Variants in SPEN observed in about 807,000 individuals in gnomAD.
SPEN encodes spen family transcriptional repressor.
In SPEN, 18 loss-of-function variants were observed where a neutral mutation model predicts 269.9. The observed-to-expected ratio is 0.07, with a 90% confidence interval of 0.05 to 0.10. The LOEUF (loss-of-function observed/expected upper bound fraction) is 0.10. Among genes scored for constraint, SPEN ranks in the 10% least tolerant of loss-of-function variants. The pLI is 1.00. For synonymous variants in SPEN, 1,726 were observed against 1,765.7 expected, an observed-to-expected ratio of 0.98 and a Z score of 0.56; for missense variants, 3,822 against 4,631.2, an observed-to-expected ratio of 0.83 and a Z score of 5.07.
chr1:15,937,055 G>A lies in SPEN; in HGVS notation c.10027-108G>A. The A allele has an allele frequency of 6.8e-7, 1 of 1,473,274 alleles. No individual in the cohort carries two copies. The highest frequency in any genetic ancestry group is 9.1e-7 in the Non-Finnish European group (1 of 1,095,866). 91.3% of individuals were successfully genotyped at this position (1,473,274 alleles called of 1,614,324 possible). A position where few individuals can be genotyped will look rare whatever the true frequency, so the allele number is the denominator to read the frequency against. On this transcript the variant is annotated intron_variant, in intron 11 of 14. Coordinates refer to ENST00000375759, the MANE Select transcript of SPEN (RefSeq NM_015001.3). This position sits in a 1 kb window ranked among gnomAD's most constrained non-coding sequence, Gnocchi z 5.7. ...CTTCTGTGGGCCTGACTTAACGGGA[G>A]ATGCCACATCTTATCCTTTCCCTGT...
At chr1:15,936,791 C>T (rs947067639) in intron 11 of SPEN, among the ~76,000 whole-genome samples, 4 of 152,162 alleles carry the variant, frequency 2.6e-5, no homozygotes, top group Admixed American at 6.5e-5. Flanking sequence ...AAAAGAAATC[C>T]GCCTTTTGGT....
chr1:15,897,240 A>T (rs527277408), intron 3 of SPEN, among the ~76,000 whole-genome samples: 1 of 152,078 alleles, frequency 6.6e-6, no homozygotes, highest in African/African-American at 2.4e-5. Context: ...CCCAGGCTGG[A>T]GTGCAGTGGT....
chr1:15,870,508 C>G (rs1557737849), intron 1 of SPEN, among the ~76,000 whole-genome samples: 2 of 152,146 alleles, frequency 1.3e-5, no homozygotes, highest in African/African-American at 4.8e-5. Flanking sequence ...TAGAAATTAA[C>G]TGGGCAAAGA....
intron 3 of SPEN, among the ~76,000 whole-genome samples, chr1:15,903,619 G>C (rs1035594852): frequency 5.9e-5 from 9 of 151,614 alleles, no homozygotes; most frequent in African/African-American, 2.2e-4. Flanking sequence ...CAAGTGATCT[G>C]CCTGCCTTGG....
Position 15,911,216 on chromosome 1 carries a change from A to G in SPEN, c.1158A>G (p.Gln386=). Residue 386 remains glutamine (Q), a synonymous_variant, in exon 5 of 15, where the codon CAA becomes CAG. Coordinates refer to ENST00000375759, the MANE Select transcript of SPEN (RefSeq NM_015001.3). The part of the protein sequence containing the change: ...ERYGLVFFRQ[Q]EDQEKALTAS... The stretch of plus-strand genomic sequence containing the variant: ...ATGGTCTGGTATTCTTTCGGCAGCA[A>G]GAGGACCAAGAAAAAGCCTTGACTG... The G allele has an allele frequency of 3.1e-6, 5 of 1,614,198 alleles. No individual in the cohort carries two copies. The highest frequency in any genetic ancestry group is 4.2e-6 in the Non-Finnish European group (5 of 1,180,026).
chr1:15,863,703 T>TG (rs891924160), intron 1 of SPEN, among the ~76,000 whole-genome samples: 4 of 151,810 alleles, frequency 2.6e-5, no homozygotes, highest in Non-Finnish European at 5.9e-5. Context: ...CAGCTGGGTG[T>TG]GGTGGTGCCT....
chr1:15,871,291 A>G (rs1367071868), intron 1 of SPEN, among the ~76,000 whole-genome samples: 1 of 151,400 alleles, frequency 6.6e-6, no homozygotes, highest in Non-Finnish European at 1.5e-5. Context: ...TTAAAACCAT[A>G]TAGTTAATAA....
intron 1 of SPEN, among the ~76,000 whole-genome samples, chr1:15,868,745 A>G (rs2148708919): frequency 6.6e-6 from 1 of 152,256 alleles, no homozygotes; most frequent in East Asian, 1.9e-4. Context: ...GAATTAAACT[A>G]TTAACTGTTT....
Position 15,929,737 on chromosome 1 carries a change from C to G in SPEN, c.3497C>G (p.Thr1166Arg). 1.2e-6 allele frequency: 2 copies of G among 1,614,040 alleles called. No homozygotes were observed. The highest frequency in any genetic ancestry group is 1.7e-6 in the Non-Finnish European group (2 of 1,179,996). The change falls in exon 11 of 15, where the codon ACG becomes AGG. Residue 1166 changes from threonine (T) to arginine (R), a missense_variant. By Grantham distance (71) the Thr-to-Arg change is moderately conservative. Around this residue, in one of 16 missense-constraint regions of SPEN, gnomAD observed 46 missense variants for 94.0 expected, o/e 0.49. Transcript: ENST00000375759. The surrounding 1 kb of genome is among the most constrained non-coding windows in gnomAD (Gnocchi z 5.8). ...EEKIGIDIDH[T>R]QSYRKQMEQS... ...AAAATTGGCATTGACATCGATCACA[C>G]GCAGAGTTACCGAAAACAAATGGAA... is the stretch of plus-strand genomic sequence containing the variant.
chr1:15,879,597 G>C (rs2070666906), intron 3 of SPEN, among the ~76,000 whole-genome samples: 2 of 152,150 alleles, frequency 1.3e-5, no homozygotes, highest in Admixed American at 1.3e-4. Flanking sequence ...TATCAAGTTA[G>C]GGTAGCTAGA....
At chr1:15,900,672 G>T (rs2148723766) in intron 3 of SPEN, among the ~76,000 whole-genome samples, 1 of 152,274 alleles carries the variant, frequency 6.6e-6, no homozygotes. Context: ...TAATGAGGAA[G>T]AATAATCAAT....
At chr1:15,890,263 C>T (rs906250569) in intron 3 of SPEN, among the ~76,000 whole-genome samples, 1 of 152,030 alleles carries the variant, frequency 6.6e-6, no homozygotes. Context: ...TCAATAACAT[C>T]AGGTTGACAT....
intron 3 of SPEN, among the ~76,000 whole-genome samples, chr1:15,878,552 A>G (rs2070655134): frequency 6.6e-6 from 1 of 152,220 alleles, no homozygotes. Context: ...TAGATAAATG[A>G]TTGATGAAAT....
chr1:15,939,457 C>A lies in SPEN; in HGVS notation c.*30C>A. 6.6e-7 allele frequency: 1 copy of A among 1,524,810 alleles called. No individual in the cohort carries two copies. The highest frequency in any genetic ancestry group is 8.8e-7 in the Non-Finnish European group (1 of 1,131,372). The allele number at this position is 1,524,810 out of a possible 1,614,324, so 94.5% of individuals were successfully genotyped here. On this transcript the variant is annotated 3_prime_UTR_variant, in exon 15 of 15. Transcript: ENST00000375759. This position sits in a 1 kb window ranked among gnomAD's most constrained non-coding sequence, Gnocchi z 4.1. ...CTGAGTGGTTATCACCTCAGTGAAT[C>A]TTCCCAGGGCTCTGCAGTAAAAACA...
At chr1:15,908,264 CTG>C (rs1428480649) in intron 3 of SPEN, among the ~76,000 whole-genome samples, 1 of 152,048 alleles carries the variant, frequency 6.6e-6, no homozygotes, top group Admixed American at 6.6e-5. Context: ...AGGCCTGACT[CTG>C]TTACCCAGGC....
rs906259152 is a variant in SPEN, at chr1:15,848,369, C to G, written c.83+219C>G. ...CAAGCCGCGCCGCCTTCGAAGAGCC[C>G]GCGGGGCCCCGGCGGCCGCGTCCGT... On this transcript the variant is annotated intron_variant, in intron 1 of 14. Transcript: ENST00000375759. This position sits in a 1 kb window ranked among gnomAD's most constrained non-coding sequence, Gnocchi z 5.1. 6.6e-6 allele frequency among the ~76,000 whole-genome samples: 1 copy of G among 151,176 alleles called. No homozygotes were observed. The highest frequency in any genetic ancestry group is 1.5e-5 in the Non-Finnish European group (1 of 67,660).
rs1375181959 is a variant in SPEN at position 15,928,361 on chromosome 1, A to C, written c.2121A>C (p.Glu707Asp). 6.2e-7 allele frequency: 1 copy of C among 1,614,218 alleles called. No individual in the cohort carries two copies. The highest frequency in any genetic ancestry group is 2.2e-5 in the East Asian group (1 of 44,880). Residue 707 changes from glutamate (E) to aspartate (D), a missense_variant, in exon 11 of 15, where the codon GAA (glutamate) becomes GAC (aspartate). Coordinates refer to ENST00000375759, the MANE Select transcript of SPEN (RefSeq NM_015001.3). The surrounding 1 kb of genome is among the most constrained non-coding windows in gnomAD (Gnocchi z 5.7). ...YRQRERERER[E>D]RFESDRDRDH... is the part of the protein sequence containing the mutation. ...AAAGGGAACGAGAAAGAGAACGTGAAAGATTTGAGTCTGACCGGGACAGAG... is the reference window on the plus strand; with the variant it reads ...AAAGGGAACGAGAAAGAGAACGTGACAGATTTGAGTCTGACCGGGACAGAG...
Position 15,851,534 on chromosome 1 carries a change from G to C in SPEN, c.83+3384G>C, listed in dbSNP as rs192237202. On this transcript the variant is annotated intron_variant, in intron 1 of 14. Transcript: ENST00000375759. ...TCTGCAAAGGCGACTCCTTGAATTA[G>C]AATGAGCAAATGAATAAAACCCTTA... 1.3e-5 allele frequency among the ~76,000 whole-genome samples: 2 copies of C among 152,272 alleles called. 1 individual carries two copies. The highest frequency in any genetic ancestry group is 1.3e-4 in the Admixed American group (2 of 15,282).
At chr1:15,870,465 T>C (rs1195748582) in intron 1 of SPEN, among the ~76,000 whole-genome samples, 5 of 152,082 alleles carry the variant, frequency 3.3e-5, no homozygotes, top group African/African-American at 1.2e-4. Flanking sequence ...ATGTTAATGA[T>C]CATAAAACGA....
Sources: gnomAD v4.1 joint callset for allele counts (sites outside exome capture counted in the v4.1 genomes callset) on GRCh38, gnomAD v4.1.1 for gene constraint, gnomAD v4.1.1 regional missense constraint, Gnocchi (gnomAD v3.1) non-coding constraint, MANE v1.5 for transcripts, NCBI Gene and HGNC (gene_info 2026-07-23, HGNC 2026-07-21) for gene names.